The following DAB1 variants were observed in gnomAD, a reference collection of about 807,000 sequenced individuals.
DAB1 encodes DAB adaptor protein 1, also known as disabled homolog 1.
A neutral mutation model predicts 64.6 loss-of-function variants in DAB1; 15 were observed. That is an observed-to-expected ratio of 0.23 (90% confidence interval 0.16 to 0.36). The LOEUF (loss-of-function observed/expected upper bound fraction) is 0.36. Ranked by LOEUF, DAB1 falls within the 10% of genes least tolerant of loss-of-function variation. The pLI, the probability that DAB1 is intolerant of heterozygous loss-of-function variation, is 1.00. For synonymous variants in DAB1, 235 were observed against 251.9 expected (o/e 0.93, Z 0.64); for missense variants, 596 against 706.7 (o/e 0.84, Z 1.78).
chr1:57,971,243 G>A (rs1379020640), intron 5 of DAB1, among the ~76,000 whole-genome samples: 3 of 152,156 alleles, frequency 2.0e-5, no homozygotes, highest in Non-Finnish European at 4.4e-5. Context: ...GACAAAATTT[G>A]TCTATTGTTC....
chr1:58,269,091 G>A (rs1661247477), intron 4 of DAB1, among the ~76,000 whole-genome samples: 1 of 150,254 alleles, frequency 6.7e-6, no homozygotes, highest in Admixed American at 6.6e-5. Context: ...GTATACATGT[G>A]CCATGCTGGT....
chr1:58,512,619 T>C (rs1416333125), intron 2 of DAB1, among the ~76,000 whole-genome samples: 1 of 152,174 alleles, frequency 6.6e-6, no homozygotes, highest in African/African-American at 2.4e-5. Context: ...CTTGAGGACA[T>C]TAAGCTAAGT....
At chr1:57,375,679 G>A (rs1044185864) in intron 1 of DAB1, among the ~76,000 whole-genome samples, 1 of 152,140 alleles carries the variant, frequency 6.6e-6, no homozygotes, top group Non-Finnish European at 1.5e-5. Flanking sequence ...CTGGAGCCTA[G>A]GTAACGCTGA....
intron 5 of DAB1, among the ~76,000 whole-genome samples, chr1:58,058,399 C>T (rs1372888594): frequency 6.6e-6 from 1 of 152,180 alleles, no homozygotes; most frequent in Non-Finnish European, 1.5e-5. Flanking sequence ...ATTTCAGTTT[C>T]CAAGTGCAAA....
intron 5 of DAB1, among the ~76,000 whole-genome samples, chr1:58,021,654 C>G (rs1646816606): frequency 6.6e-6 from 1 of 152,124 alleles, no homozygotes; most frequent in Non-Finnish European, 1.5e-5. Context: ...CCCCAAAAAC[C>G]AAAGCAGATG....
At chr1:58,069,681 C>T (rs1649113135) in intron 5 of DAB1, among the ~76,000 whole-genome samples, 1 of 152,154 alleles carries the variant, frequency 6.6e-6, no homozygotes, top group Non-Finnish European at 1.5e-5. Flanking sequence ...TTAGTGTCTC[C>T]ATGTTGAAAT....
chr1:57,432,156 A>G (rs1256992406), intron 7 of DAB1, among the ~76,000 whole-genome samples: 2 of 151,954 alleles, frequency 1.3e-5, no homozygotes, highest in Non-Finnish European at 2.9e-5. Flanking sequence ...ATGCTTACAG[A>G]GTATCGAAAA....
chr1:57,166,920 T>G (rs1569697204), intron 2 of DAB1, among the ~76,000 whole-genome samples: 1 of 152,148 alleles, frequency 6.6e-6, no homozygotes, highest in African/African-American at 2.4e-5. Context: ...GACTCCAAAG[T>G]TCATAGTCTC....
At chr1:57,414,683 A>G (rs960461661) in intron 1 of DAB1, among the ~76,000 whole-genome samples, 2 of 152,214 alleles carry the variant, frequency 1.3e-5, no homozygotes, top group African/African-American at 4.8e-5. Flanking sequence ...TGCCATTTAG[A>G]ATAAGAAATA....
intron 5 of DAB1, among the ~76,000 whole-genome samples, chr1:57,919,179 GT>G (rs1644774785): frequency 6.6e-6 from 1 of 152,182 alleles, no homozygotes; most frequent in African/African-American, 2.4e-5. Context: ...CACAATTTGG[GT>G]TGTGAGGAGG....
intron 7 of DAB1, among the ~76,000 whole-genome samples, chr1:57,446,688 CT>C (rs1174521280): frequency 6.6e-6 from 1 of 151,102 alleles, no homozygotes; most frequent in African/African-American, 2.4e-5. Flanking sequence ...CACAGTGATT[CT>C]TTTTTTAAAA....
At chr1:57,274,371 G>T (rs1671288553) in intron 2 of DAB1, among the ~76,000 whole-genome samples, 1 of 152,186 alleles carries the variant, frequency 6.6e-6, no homozygotes. Context: ...TGTGGGCCCT[G>T]AGCAAGTTGC....
At chr1:58,351,951 G>A (rs752980065) in intron 3 of DAB1, among the ~76,000 whole-genome samples, 17 of 150,548 alleles carry the variant, frequency 1.1e-4, no homozygotes, top group Non-Finnish European at 2.4e-4. Context: ...GGGAATGCAA[G>A]TTAAGGGCCA....
chr1:58,076,364 C>G (rs1309832712), intron 5 of DAB1, among the ~76,000 whole-genome samples: 1 of 152,152 alleles, frequency 6.6e-6, no homozygotes, highest in Non-Finnish European at 1.5e-5. Context: ...AGAGTTTTTG[C>G]ACTTCACCCA....
rs544121486 is a variant in DAB1, at chr1:57,601,119, T to C, written n.625+48473A>G. 1.1e-4 allele frequency among the ~76,000 whole-genome samples: 16 copies of C among 152,324 alleles called. 1 individual carries two copies. The South Asian group carries it at 3.3e-3, about 32-fold the overall frequency. Reference sequence around the variant, plus strand: ...ATAAAAAACACTGCATACATGTTTATGCCTTGTATTTTGATGGGGTGGGAG... The same window carrying C: ...ATAAAAAACACTGCATACATGTTTACGCCTTGTATTTTGATGGGGTGGGAG... On this transcript the variant is annotated intron_variant and non_coding_transcript_variant, in intron 7 of 20. Transcript: ENST00000485760.
rs560540119 is a variant in DAB1 at position 58,004,305 on chromosome 1, C to T, written n.388-120143G>A. ...AGGCTAAGTGCCCTGGCTGAGGTCA[C>T]GCAGCTAGTTGGTGGCAGAGCTATT... is the stretch of plus-strand genomic sequence containing the variant. On this transcript the variant is annotated intron_variant and non_coding_transcript_variant, in intron 5 of 20. Transcript: ENST00000485760. Among the ~76,000 whole-genome samples the T allele has an allele frequency of 3.9e-5, 6 of 152,280 alleles. 1 individual carries two copies. In the South Asian group the frequency reaches 8.3e-4, roughly 21 times the overall value.
chr1:58,093,217 G>A (rs1650780613), intron 5 of DAB1, among the ~76,000 whole-genome samples: 1 of 152,176 alleles, frequency 6.6e-6, no homozygotes, highest in Non-Finnish European at 1.5e-5. Flanking sequence ...CTGACAGCTG[G>A]CCATGGGGGC....
At chr1:57,187,107 A>G (rs1244127178) in intron 2 of DAB1, among the ~76,000 whole-genome samples, 1 of 152,314 alleles carries the variant, frequency 6.6e-6, no homozygotes, top group Non-Finnish European at 1.5e-5. Flanking sequence ...TCTAAAACAC[A>G]CACATACTTC....
chr1:57,842,829 C>A (rs1379358262), intron 1 of DAB1, among the ~76,000 whole-genome samples: 1 of 152,202 alleles, frequency 6.6e-6, no homozygotes, highest in South Asian at 2.1e-4. Flanking sequence ...GGACACAGAG[C>A]CAAACCATAT....
Sources: allele counts gnomAD v4.1 joint callset (sites outside exome capture counted in the v4.1 genomes callset), GRCh38; gene constraint gnomAD v4.1.1; transcripts MANE v1.5; gene names NCBI Gene and HGNC (gene_info 2026-07-23, HGNC 2026-07-21).